The following TNPO3 variants were observed in gnomAD, a reference collection of about 807,000 sequenced individuals.
TNPO3 encodes transportin 3.
Under a neutral mutation model 122.8 loss-of-function variants are expected in TNPO3, and 65 were observed. The observed-to-expected ratio is 0.53, with a 90% CI of 0.43 to 0.65. The LOEUF (loss-of-function observed/expected upper bound fraction) is 0.65, where lower values mean the gene tolerates loss of function less well. TNPO3 is among the 30% of genes least tolerant of loss of function. The pLI, the probability that TNPO3 is intolerant of heterozygous loss-of-function variation, is 0.00. For missense variants in TNPO3, 850 were observed against 1,136.7 expected, an observed-to-expected ratio of 0.75 and a Z score of 3.63; for synonymous variants, 372 against 411.2, an observed-to-expected ratio of 0.90 and a Z score of 1.15.
rs755030982 is a variant in TNPO3, at chr7:128,986,857, T to C, written c.1562A>G (p.Lys521Arg). 6.8e-6 allele frequency: 11 copies of C among 1,613,812 alleles called. No individual in the cohort carries two copies. The highest frequency in any genetic ancestry group is 2.2e-5 in the East Asian group (1 of 44,882). ...CEKPLASAAA[K>R]AIHNICSVCR... Reference sequence around the variant, plus strand: ...GACAGAGCAAATGTTATGAATGGCTTTGGCTGCAGCAGAAGCCAGGGGCTT... The same window carrying C: ...GACAGAGCAAATGTTATGAATGGCTCTGGCTGCAGCAGAAGCCAGGGGCTT... The change falls in exon 12 of 23, where the codon AAA becomes AGA. Residue 521 changes from lysine (K) to arginine (R), a missense_variant. Coordinates refer to ENST00000265388, the MANE Select transcript of TNPO3 (RefSeq NM_012470.4).
Position 128,993,828 on chromosome 7 carries a change from C to A in TNPO3, c.1245G>T (p.Gly415=), listed in dbSNP as rs780066082. The A allele has an allele frequency of 2.7e-5, 44 of 1,613,928 alleles. No homozygotes were observed. The African/African-American group carries it at 5.7e-4, about 21-fold the overall frequency. ...DLVKDLIFLI[G]SMECFAQLYS... Reference sequence around the variant, plus strand: ...TTACCTGAGCAAAACACTCCATAGACCCTATCAAGAAAATCAAGTCCTTTA... The same window carrying A: ...TTACCTGAGCAAAACACTCCATAGAACCTATCAAGAAAATCAAGTCCTTTA... The change falls in exon 9 of 23, where the codon GGG becomes GGT. Residue 415 remains glycine (G), a synonymous_variant. Transcript: ENST00000265388.
At chr7:129,038,281 A>G (rs1292174908) in intron 1 of TNPO3, among the ~76,000 whole-genome samples, 1 of 152,218 alleles carries the variant, frequency 6.6e-6, no homozygotes, top group Non-Finnish European at 1.5e-5. Flanking sequence ...CTAAAATGAA[A>G]GCATTCGACA....
At chr7:129,031,725 T>C (rs773676767) in intron 1 of TNPO3, among the ~76,000 whole-genome samples, 4 of 152,142 alleles carry the variant, frequency 2.6e-5, no homozygotes, top group Non-Finnish European at 4.4e-5. Context: ...CAAAGCTAGA[T>C]GAAGAAACAA....
At chr7:129,053,180 C>G (rs1808991855) in intron 1 of TNPO3, among the ~76,000 whole-genome samples, 1 of 152,076 alleles carries the variant, frequency 6.6e-6, no homozygotes, top group African/African-American at 2.4e-5. Context: ...CAAAAATTAG[C>G]TGGGTGTGGT....
intron 8 of TNPO3, among the ~76,000 whole-genome samples, chr7:128,995,828 A>G (rs1801252775): frequency 6.6e-6 from 1 of 152,152 alleles, no homozygotes; most frequent in African/African-American, 2.4e-5. Flanking sequence ...CCTCCTGAGT[A>G]GCTGGGATTA....
chr7:128,996,347 A>G (rs988510178), intron 8 of TNPO3, among the ~76,000 whole-genome samples: 1 of 152,196 alleles, frequency 6.6e-6, no homozygotes, highest in Non-Finnish European at 1.5e-5. Context: ...AGTATAAATA[A>G]GATTTAAAAA....
At chr7:129,022,982 G>A (rs2150458495) in intron 1 of TNPO3, among the ~76,000 whole-genome samples, 1 of 152,330 alleles carries the variant, frequency 6.6e-6, no homozygotes, top group African/African-American at 2.4e-5. Flanking sequence ...GAAGTGGTAT[G>A]TAATGATTAC....
upstream of TNPO3, chr7:129,055,386 T>TC (rs1242025169): frequency 1.3e-5 from 2 of 155,900 alleles, no homozygotes; most frequent in Non-Finnish European, 2.8e-5. Context: ...GCCCCATCCC[T>TC]CTCCAGAGAA....
rs186776263 is a variant in TNPO3, at chr7:129,013,903, T to C, written c.552+1076A>G. Among the ~76,000 whole-genome samples the C allele has an allele frequency of 2.0e-4, 30 of 151,886 alleles. No individual in the cohort carries two copies. The East Asian group carries it at 4.8e-3, about 24-fold the overall frequency. On this transcript the variant is annotated intron_variant, in intron 4 of 22. Coordinates refer to ENST00000265388, the MANE Select transcript of TNPO3 (RefSeq NM_012470.4). ...AATATCACATGCTTTCACTGCTATG[T>C]TGGAGTGAAAAAAAATGGATCTCAT...
At chr7:129,008,813 T>C (rs1278153201) in intron 4 of TNPO3, among the ~76,000 whole-genome samples, 1 of 152,202 alleles carries the variant, frequency 6.6e-6, no homozygotes, top group Non-Finnish European at 1.5e-5. Context: ...CATAATCACT[T>C]GGCCTTTAGA....
At chr7:129,009,456 C>T (rs1301312371) in intron 4 of TNPO3, among the ~76,000 whole-genome samples, 1 of 152,160 alleles carries the variant, frequency 6.6e-6, no homozygotes, top group Non-Finnish European at 1.5e-5. Flanking sequence ...ATTTCATCCC[C>T]TGGGTTCTAT....
rs373383326 is a variant in TNPO3, at chr7:128,977,522, C to G, written c.2061+1461G>C. Among the ~76,000 whole-genome samples the G allele has an allele frequency of 6.6e-5, 10 of 152,314 alleles. No homozygotes were observed. The South Asian group carries it at 1.9e-3, about 28-fold the overall frequency. On this transcript the variant is annotated intron_variant, in intron 16 of 22. Transcript: ENST00000265388. ...AGGTTATCCAAGTACCAACACCGCA[C>G]CAGCATGCCTGTGCCTGTGGTTGAG...
At chr7:129,023,475 T>C (rs769040635) in intron 1 of TNPO3, among the ~76,000 whole-genome samples, 2 of 152,148 alleles carry the variant, frequency 1.3e-5, no homozygotes, top group African/African-American at 2.4e-5. Context: ...GCCTACATTG[T>C]AGTCTTTAAA....
intron 12 of TNPO3, 56 bp downstream of exon 12, chr7:128,986,673 A>G (rs1195899887): frequency 2.0e-6 from 3 of 1,483,688 alleles, no homozygotes; most frequent in Non-Finnish European, 2.7e-6. Context: ...CAGATGTAAG[A>G]TTACCCCAGG....
In TNPO3 at chr7:128,955,026, T is replaced by C. The variant is rs1297286943; in HGVS notation, c.*391A>G. The C allele has an allele frequency of 9.8e-6, 3 of 304,832 alleles. No homozygotes were observed. Among genetic ancestry groups the C allele is most frequent in the South Asian group, 2.6e-5 (1 of 38,114 alleles). The allele number at this position is 304,832 out of a possible 1,614,324, so 18.9% of individuals were successfully genotyped here. A position where few individuals can be genotyped will look rare whatever the true frequency, so the allele number is the denominator to read the frequency against. Reference sequence around the variant, plus strand: ...TGGCGCTTGTGCGTGTATGTGTGTGTGCGTGCATGTGTCATTTGCTACCAG... The same window carrying C: ...TGGCGCTTGTGCGTGTATGTGTGTGCGCGTGCATGTGTCATTTGCTACCAG... On this transcript the variant is annotated 3_prime_UTR_variant, in exon 23 of 23. Coordinates refer to ENST00000265388, the MANE Select transcript of TNPO3 (RefSeq NM_012470.4).
Position 128,996,952 on chromosome 7 carries a change from GTTT to G in TNPO3, c.1158+434_1158+436del, listed in dbSNP as rs1235274459. Among the ~76,000 whole-genome samples the G allele has an allele frequency of 4.4e-4, 67 of 151,326 alleles. 1 individual carries two copies. Among genetic ancestry groups the G allele is most frequent in the Non-Finnish European group, 2.9e-5 (2 of 67,864 alleles). On this transcript the variant is annotated intron_variant, in intron 8 of 22. Transcript: ENST00000265388. ...ATAACATTTTGTATATAAAATAGCTGTTTTTTTCTTCTGCAGATTTAAGATATA... is the reference window on the plus strand; with the variant it reads ...ATAACATTTTGTATATAAAATAGCTGTTTTCTTCTGCAGATTTAAGATATA...
intron 11 of TNPO3, 55 bp from the exon 12 acceptor site, chr7:128,986,975 A>G: frequency 2.0e-6 from 3 of 1,519,658 alleles, no homozygotes; most frequent in Non-Finnish European, 2.6e-6. Flanking sequence ...GAAAACTTCT[A>G]GTTTATTAAA....
At chr7:128,977,082 A>G (rs1799137944) in intron 16 of TNPO3, among the ~76,000 whole-genome samples, 1 of 152,240 alleles carries the variant, frequency 6.6e-6, no homozygotes, top group Admixed American at 6.5e-5. Flanking sequence ...AAAAAACACA[A>G]AAACAAAAAT....
intron 5 of TNPO3, among the ~76,000 whole-genome samples, chr7:129,002,215 C>T (rs768933925): frequency 6.6e-5 from 10 of 152,186 alleles, no homozygotes; most frequent in Non-Finnish European, 1.5e-4. Flanking sequence ...AGTTCTCAGG[C>T]ATGCAAAAAT....
Sources: allele counts gnomAD v4.1 joint callset (sites outside exome capture counted in the v4.1 genomes callset), GRCh38; gene constraint gnomAD v4.1.1; transcripts MANE v1.5; gene names NCBI Gene and HGNC (gene_info 2026-07-23, HGNC 2026-07-21).